KCNN2: variants seen among roughly 807,000 people sequenced by gnomAD.
KCNN2 encodes small conductance calcium-activated potassium channel protein 2.
A neutral mutation model predicts 55.5 loss-of-function variants in KCNN2; 24 were observed. The observed-to-expected ratio is 0.43, with a 90% confidence interval of 0.31 to 0.61. KCNN2 has a LOEUF of 0.61. Ranked by LOEUF, KCNN2 falls within the 20% of genes least tolerant of loss-of-function variation. KCNN2 has a pLI of 0.08. For synonymous variants in KCNN2, 431 were observed against 336.1 expected (o/e 1.28, Z -3.09); for missense variants, 754 against 853.6 (o/e 0.88, Z 1.45).
At position 114,396,304 on chromosome 5, in the gene KCNN2, C is replaced by A. The variant is rs918370340; in HGVS notation, c.1219-8134C>A. Among the ~76,000 whole-genome samples, 3 of 138,964 alleles carry A rather than the reference C, an allele frequency of 2.2e-5. No homozygotes were observed. The East Asian group carries it at 5.9e-4, about 27-fold the overall frequency. 91.2% of individuals were successfully genotyped at this position (138,964 alleles called of 152,430 possible). On this transcript the variant is annotated intron_variant, in intron 2 of 7. Transcript: ENST00000673685. ...AGGGCTTTTGTTTTCTTAAGGGAGACTAGGAAAACTAATTAAGAGGGAGAA... is the reference window on the plus strand; with the variant it reads ...AGGGCTTTTGTTTTCTTAAGGGAGAATAGGAAAACTAATTAAGAGGGAGAA...
chr5:114,419,471 C>T (rs1194489960), intron 3 of KCNN2, among the ~76,000 whole-genome samples: 1 of 152,178 alleles, frequency 6.6e-6, no homozygotes, highest in African/African-American at 2.4e-5. Context: ...TGGGGTCAGA[C>T]AATGGATTTC....
At chr5:114,466,149 G>A (rs1197214358) in intron 4 of KCNN2, among the ~76,000 whole-genome samples, 1 of 151,598 alleles carries the variant, frequency 6.6e-6, no homozygotes, top group African/African-American at 2.4e-5. Flanking sequence ...CCTAATAGAA[G>A]AAATAAAAGA....
chr5:114,301,994 T>C (rs1169603509), intron 2 of KCNN2, among the ~76,000 whole-genome samples: 1 of 152,216 alleles, frequency 6.6e-6, no homozygotes, highest in Non-Finnish European at 1.5e-5. Flanking sequence ...TGGCATTCAA[T>C]GGCACCAAAC....
chr5:114,102,396 C>G (rs1303912481), intron 1 of KCNN2, among the ~76,000 whole-genome samples: 3 of 151,954 alleles, frequency 2.0e-5, no homozygotes, highest in Non-Finnish European at 4.4e-5. Flanking sequence ...TGCCTGTTCA[C>G]TCTAATGATA....
intron 1 of KCNN2, among the ~76,000 whole-genome samples, chr5:114,102,755 G>A (rs982809755): frequency 2.0e-5 from 3 of 152,140 alleles, no homozygotes; most frequent in Non-Finnish European, 4.4e-5. Flanking sequence ...GTAGATGTGT[G>A]TTGTTATTTC....
intron 2 of KCNN2, among the ~76,000 whole-genome samples, chr5:114,245,107 A>G (rs966210962): frequency 6.6e-6 from 1 of 152,240 alleles, no homozygotes; most frequent in Admixed American, 6.5e-5. Flanking sequence ...AAAAGCAGGT[A>G]CTGGTAAAAT....
At chr5:114,143,451 A>G (rs1208220186) in intron 1 of KCNN2, among the ~76,000 whole-genome samples, 6 of 152,160 alleles carry the variant, frequency 3.9e-5, no homozygotes, top group African/African-American at 1.4e-4. Context: ...AATTCTCAGA[A>G]GGGAGTATGC....
At chr5:114,495,062 T>C (rs535232892) in intron 7 of KCNN2, among the ~76,000 whole-genome samples, 251 of 152,266 alleles carry the variant, frequency 1.6e-3, no homozygotes, top group Middle Eastern at 3.4e-3. Context: ...TCCTCTCTCT[T>C]TGTCTCTTGG....
chr5:114,103,972 A>G (rs924027348), intron 1 of KCNN2, among the ~76,000 whole-genome samples: 2 of 151,878 alleles, frequency 1.3e-5, no homozygotes, highest in African/African-American at 4.8e-5. Flanking sequence ...CTCTTTTTCT[A>G]TTGCTTGGAA....
intron 2 of KCNN2, among the ~76,000 whole-genome samples, chr5:114,392,385 C>T (rs1007316681): frequency 6.6e-6 from 1 of 152,034 alleles, no homozygotes; most frequent in Non-Finnish European, 1.5e-5. Context: ...ATACTTTTCT[C>T]CTAGAGAGGA....
intron 1 of KCNN2, among the ~76,000 whole-genome samples, chr5:114,168,171 A>ATG (rs1752958176): frequency 7.5e-6 from 1 of 132,588 alleles, no homozygotes; most frequent in Non-Finnish European, 1.6e-5. Context: ...ATGTGGATAT[A>ATG]TATACACACA....
chr5:114,316,894 G>A (rs1226413135), intron 2 of KCNN2, among the ~76,000 whole-genome samples: 1 of 152,116 alleles, frequency 6.6e-6, no homozygotes, highest in African/African-American at 2.4e-5. Flanking sequence ...AAAAAGGCAA[G>A]GAAAGGAACA....
At chr5:114,468,186 T>TGAAACTTATTTATTTTCATGACCTGAG (rs1355884210) in intron 4 of KCNN2, among the ~76,000 whole-genome samples, 2 of 151,892 alleles carry the variant, frequency 1.3e-5, no homozygotes, top group Non-Finnish European at 2.9e-5. Flanking sequence ...AAAACTTCCT[T>TGAAACTTATTTATTTTCATGACCTGAG]GAAACTTATT....
chr5:114,493,609 A>G (rs112009189), intron 7 of KCNN2, 137 bp downstream of exon 7: 1 of 653,556 alleles, frequency 1.5e-6, no homozygotes, highest in Non-Finnish European at 2.8e-6. Context: ...CCCTAAAATG[A>G]TGGTCCAACT....
intron 2 of KCNN2, among the ~76,000 whole-genome samples, chr5:114,286,461 T>C (rs1481813992): frequency 1.3e-5 from 2 of 151,914 alleles, no homozygotes. Context: ...AATTCGATCA[T>C]CCAGAGAAGT....
intron 3 of KCNN2, among the ~76,000 whole-genome samples, chr5:114,442,466 G>A (rs1022316385): frequency 6.6e-6 from 1 of 152,080 alleles, no homozygotes; most frequent in Non-Finnish European, 1.5e-5. Flanking sequence ...CCTATGTGGG[G>A]TGAACTTTGG....
intron 3 of KCNN2, among the ~76,000 whole-genome samples, chr5:114,427,951 C>A (rs990704265): frequency 1.3e-5 from 2 of 152,024 alleles, no homozygotes; most frequent in African/African-American, 2.4e-5. Flanking sequence ...CTTGTGAGAT[C>A]AAAACACATC....
At chr5:114,421,424 G>A (rs1199900799) in intron 3 of KCNN2, among the ~76,000 whole-genome samples, 3 of 152,156 alleles carry the variant, frequency 2.0e-5, no homozygotes, top group Non-Finnish European at 4.4e-5. Context: ...CCGAGTAGCT[G>A]GGATTACAGG....
intron 6 of KCNN2, among the ~76,000 whole-genome samples, chr5:114,491,213 G>T (rs149516187): frequency 1.3e-5 from 2 of 152,210 alleles, no homozygotes; most frequent in African/African-American, 4.8e-5. Flanking sequence ...GGCCCTTCTA[G>T]CCTGACTTAC....
Sources: allele counts gnomAD v4.1 joint callset (sites outside exome capture counted in the v4.1 genomes callset), GRCh38; gene constraint gnomAD v4.1.1; transcripts MANE v1.5; gene names NCBI Gene and HGNC (gene_info 2026-07-23, HGNC 2026-07-21).